Variants in WWOX observed in about 807,000 individuals in gnomAD.
The protein encoded by WWOX is WW domain-containing oxidoreductase.
In WWOX, 69 loss-of-function variants were observed where a neutral mutation model predicts 46.2. The observed-to-expected ratio is 1.49, with a 90% confidence interval of 1.23 to 1.82. The LOEUF is 1.82. Among genes scored for constraint, WWOX ranks in the 40% most tolerant of loss-of-function variants. The probability of loss-of-function intolerance (pLI) is 0.00; values close to 1 mark genes in which losing one functional copy is unlikely to be tolerated. For missense variants in WWOX, 919 were observed against 542.6 expected (o/e 1.69, Z -6.89); for synonymous variants, 359 against 202.6 (o/e 1.77, Z -6.56).
rs540332997 is a variant in WWOX at position 78,886,338 on chromosome 16, C to T, written c.1057-325270C>T. On this transcript the variant is annotated intron_variant, in intron 8 of 8. Transcript: ENST00000566780. ...CATGAATCTCTGAGTACATTTTGTG[C>T]ATTCTGTATTCTACTTTATTTACTC... Among the ~76,000 whole-genome samples, 214 of 149,826 alleles carry T rather than the reference C, an allele frequency of 1.4e-3. 1 individual carries two copies. Among genetic ancestry groups the T allele is most frequent in the African/African-American group, 4.9e-3 (199 of 40,902 alleles).
At chr16:78,835,240 A>G (rs2051946903) in intron 8 of WWOX, among the ~76,000 whole-genome samples, 2 of 152,162 alleles carry the variant, frequency 1.3e-5, no homozygotes, top group Admixed American at 6.6e-5. Context: ...CCAGCATTCT[A>G]GTAAAATTTA....
intron 8 of WWOX, among the ~76,000 whole-genome samples, chr16:78,928,638 G>A (rs2045554942): frequency 6.6e-6 from 1 of 151,464 alleles, no homozygotes; most frequent in Non-Finnish European, 1.5e-5. Flanking sequence ...AAGAAATTCT[G>A]AGAAGGGGTT....
At chr16:78,821,867 C>A (rs1380768746) in intron 8 of WWOX, among the ~76,000 whole-genome samples, 1 of 152,158 alleles carries the variant, frequency 6.6e-6, no homozygotes, top group Non-Finnish European at 1.5e-5. Flanking sequence ...CAATTCCCAT[C>A]TTCAAATATT....
At chr16:78,421,164 C>T (rs895581462) in intron 6 of WWOX, among the ~76,000 whole-genome samples, 12 of 152,066 alleles carry the variant, frequency 7.9e-5, no homozygotes, top group African/African-American at 2.9e-4. Context: ...GCTATTATAA[C>T]AAATTACCAC....
intron 8 of WWOX, among the ~76,000 whole-genome samples, chr16:78,867,847 A>G (rs1002059503): frequency 1.3e-5 from 2 of 152,172 alleles, no homozygotes; most frequent in South Asian, 4.1e-4. Flanking sequence ...AGACCATGAC[A>G]TGCCTACTAG....
chr16:78,853,259 C>T lies in WWOX; in HGVS notation c.1057-358349C>T, dbSNP rs111976922. Among the ~76,000 whole-genome samples, 490 of 152,160 alleles carry T rather than the reference C, an allele frequency of 3.2e-3. 5 individuals carry two copies. The highest frequency in any genetic ancestry group is 0.011 in the African/African-American group (462 of 41,512). On this transcript the variant is annotated intron_variant, in intron 8 of 8. Coordinates refer to ENST00000566780, the MANE Select transcript of WWOX (RefSeq NM_016373.4). ...TTTTTCTGAGACAGTCTTGATCTGT[C>T]ATCCAGGCTGGAGTGCAGTGGCGTG...
intron 6 of WWOX, among the ~76,000 whole-genome samples, chr16:78,422,680 T>TATATATATATATATATATACAC (rs1567563262): frequency 2.7e-5 from 2 of 75,160 alleles, no homozygotes; most frequent in African/African-American, 1.5e-4. Flanking sequence ...TATATATATA[T>TATATATATATATATATATACAC]ATATACACAC....
rs531108441 is a variant in WWOX at position 78,375,476 on chromosome 16, C to T, written c.517-11384C>T. On this transcript the variant is annotated intron_variant, in intron 5 of 8. Transcript: ENST00000566780. ...TCTAAATTAAAGCCTGTCCTGAAAA[C>T]GTGCTCAGTGCTATTGACTGTGCAT... 7.2e-5 allele frequency among the ~76,000 whole-genome samples: 11 copies of T among 152,342 alleles called. No homozygotes were observed. In the East Asian group the frequency reaches 9.6e-4, roughly 13 times the overall value.
At chr16:78,583,292 A>C (rs1009535907) in intron 8 of WWOX, among the ~76,000 whole-genome samples, 1 of 152,192 alleles carries the variant, frequency 6.6e-6, no homozygotes, top group Non-Finnish European at 1.5e-5. Context: ...CCTTAGAGTG[A>C]GGGTACAACT....
chr16:78,214,376 T>C (rs1422070369), intron 5 of WWOX, among the ~76,000 whole-genome samples: 1 of 152,206 alleles, frequency 6.6e-6, no homozygotes, highest in Non-Finnish European at 1.5e-5. Context: ...TTAGGGCTTT[T>C]GTGAGAGTTT....
chr16:78,794,220 A>G (rs569928627), intron 8 of WWOX, among the ~76,000 whole-genome samples: 116 of 152,268 alleles, frequency 7.6e-4, no homozygotes, highest in African/African-American at 2.7e-3. Flanking sequence ...ATATCCATGA[A>G]TCTATGAGGA....
Position 78,424,889 on chromosome 16 carries a change from T to C in WWOX, c.625T>C (p.Cys209Arg). The change falls in exon 7 of 9, where the codon TGC (cysteine) becomes CGC (arginine). Residue 209 changes from cysteine to arginine, a missense_variant. Coordinates refer to ENST00000566780, the MANE Select transcript of WWOX (RefSeq NM_016373.4). The stretch of plus-strand genomic sequence containing the variant: ...TTTCAGGCCTCTTCATGTGCTTGTG[T>C]GCAACGCAGCAACTTTTGCTCTACC... The part of the protein sequence containing the change: ...AKNVPLHVLV[C>R]NAATFALPWS... 6.2e-7 allele frequency: 1 copy of C among 1,614,184 alleles called. No individual in the cohort carries two copies. Among genetic ancestry groups the C allele is most frequent in the South Asian group, 1.1e-5 (1 of 91,078 alleles).
At chr16:78,732,804 G>T (rs2048998500) in intron 8 of WWOX, among the ~76,000 whole-genome samples, 1 of 152,128 alleles carries the variant, frequency 6.6e-6, no homozygotes, top group African/African-American at 2.4e-5. Context: ...GGAATCTCTG[G>T]CAGGTAGAAG....
intron 8 of WWOX, among the ~76,000 whole-genome samples, chr16:78,955,334 G>T (rs185042829): frequency 7.9e-5 from 12 of 152,276 alleles, no homozygotes; most frequent in African/African-American, 1.7e-4. Context: ...AGTGAAATCC[G>T]TTGAGAGGAG....
At chr16:78,789,917 T>G (rs558572841) in intron 8 of WWOX, among the ~76,000 whole-genome samples, 2 of 152,274 alleles carry the variant, frequency 1.3e-5, no homozygotes, top group East Asian at 3.9e-4. Context: ...AAACTCCAAT[T>G]CTGCCACTTA....
intron 8 of WWOX, among the ~76,000 whole-genome samples, chr16:78,623,102 C>T (rs772466973): frequency 1.6e-4 from 25 of 151,946 alleles, no homozygotes; most frequent in Admixed American, 3.3e-4. Flanking sequence ...CTGATGAGAC[C>T]GCAGCCCCAC....
rs558822331 is a variant in WWOX, at chr16:79,038,229, T to C, written c.1057-173379T>C. ...GCCCTTTGCAAATATTTGTCTTTCC[T>C]CATGCACGTGGTTATTCCCAGAAAG... On this transcript the variant is annotated intron_variant, in intron 8 of 8. Transcript: ENST00000566780. Among the ~76,000 whole-genome samples the C allele has an allele frequency of 2.0e-5, 3 of 152,274 alleles. No individual in the cohort carries two copies. In the East Asian group the frequency reaches 5.8e-4, roughly 29 times the overall value.
chr16:78,801,632 C>G lies in WWOX; in HGVS notation c.1056+368880C>G, dbSNP rs115900211. ...CTCTCACCCCACATTAACAATTTCT[C>G]TCCTTAACTTTGTTTCTGAATGAAG... On this transcript the variant is annotated intron_variant, in intron 8 of 8. Coordinates refer to ENST00000566780, the MANE Select transcript of WWOX (RefSeq NM_016373.4). Among the ~76,000 whole-genome samples the G allele has an allele frequency of 6.3e-3, 960 of 152,306 alleles. 8 individuals are homozygous for G. The highest frequency in any genetic ancestry group is 0.022 in the African/African-American group (917 of 41,554).
chr16:78,967,133 C>G (rs1400879699), intron 8 of WWOX, among the ~76,000 whole-genome samples: 1 of 152,032 alleles, frequency 6.6e-6, no homozygotes, highest in Non-Finnish European at 1.5e-5. Flanking sequence ...GTGTTTCAGC[C>G]TGTTTTCCCA....
Sources: allele counts gnomAD v4.1 joint callset (sites outside exome capture counted in the v4.1 genomes callset), GRCh38; gene constraint gnomAD v4.1.1; transcripts MANE v1.5; gene names NCBI Gene and HGNC (gene_info 2026-07-23, HGNC 2026-07-21).